The following SPPL3 variants were observed in gnomAD, a reference collection of about 807,000 sequenced individuals.
SPPL3 encodes the protein signal peptide peptidase-like 3.
Under a neutral mutation model 42.4 loss-of-function variants are expected in SPPL3, and 5 were observed. The ratio of observed to expected loss-of-function variants is 0.12; its 90% confidence interval spans 0.06 to 0.25. The LOEUF is 0.25. Among genes scored for constraint, SPPL3 ranks in the 10% least tolerant of loss-of-function variants. SPPL3 has a pLI of 1.00. For synonymous variants in SPPL3, 195 were observed against 181.8 expected, an observed-to-expected ratio of 1.07 and a Z score of -0.58; for missense variants, 235 against 489.0, an observed-to-expected ratio of 0.48 and a Z score of 4.90.
At chr12:120,856,515 T>G (rs1872464165) in intron 1 of SPPL3, among the ~76,000 whole-genome samples, 1 of 147,618 alleles carries the variant, frequency 6.8e-6, no homozygotes, top group Non-Finnish European at 1.5e-5. Flanking sequence ...TTTTTTTTTT[T>G]TTTTTTTTTT....
intron 1 of SPPL3, among the ~76,000 whole-genome samples, chr12:120,839,750 AG>A (rs1362026152): frequency 6.6e-6 from 1 of 152,202 alleles, no homozygotes; most frequent in Non-Finnish European, 1.5e-5. Flanking sequence ...TTTGGAAAAC[AG>A]TTCAGCTCCT....
intron 1 of SPPL3, among the ~76,000 whole-genome samples, chr12:120,867,684 T>A (rs949037876): frequency 6.6e-6 from 1 of 150,496 alleles, no homozygotes; most frequent in African/African-American, 2.5e-5. Context: ...ACATACTTAA[T>A]GGTGCTGAGA....
intron 1 of SPPL3, among the ~76,000 whole-genome samples, chr12:120,901,590 T>TAA (rs754148484): frequency 0.15 from 15,017 of 103,248 alleles, 1,374 homozygotes; most frequent in South Asian, 0.34. Context: ...GACTCCGTCC[T>TAA]AAAAAAAAAA....
At chr12:120,862,904 C>T (rs1872651503) in intron 1 of SPPL3, among the ~76,000 whole-genome samples, 1 of 152,184 alleles carries the variant, frequency 6.6e-6, no homozygotes, top group Non-Finnish European at 1.5e-5. Flanking sequence ...CACTAAGACT[C>T]AGCTCATTAG....
intron 1 of SPPL3, among the ~76,000 whole-genome samples, chr12:120,899,966 T>A (rs375276678): frequency 6.6e-6 from 1 of 151,176 alleles, no homozygotes; most frequent in African/African-American, 2.4e-5. Context: ...AGAATTTGAG[T>A]TGAACCCTTG....
At chr12:120,862,984 G>C (rs902742255) in intron 1 of SPPL3, among the ~76,000 whole-genome samples, 1 of 152,102 alleles carries the variant, frequency 6.6e-6, no homozygotes, top group Non-Finnish European at 1.5e-5. Flanking sequence ...CCTCTATCAC[G>C]AAATTCTAAG....
At chr12:120,807,117 C>T (rs888683267) in intron 2 of SPPL3, among the ~76,000 whole-genome samples, 1 of 152,100 alleles carries the variant, frequency 6.6e-6, no homozygotes, top group African/African-American at 2.4e-5. Context: ...CTAGACATTT[C>T]ACCAAAGAAG....
chr12:120,897,409 T>C (rs560379230), intron 1 of SPPL3, among the ~76,000 whole-genome samples: 2 of 152,308 alleles, frequency 1.3e-5, no homozygotes, highest in East Asian at 1.9e-4. Context: ...ACTTTAACTA[T>C]AGGCAAAATA....
At chr12:120,794,272 ATT>A (rs76687139) in intron 2 of SPPL3, among the ~76,000 whole-genome samples, 1 of 148,636 alleles carries the variant, frequency 6.7e-6, no homozygotes, top group Non-Finnish European at 1.5e-5. Context: ...ACTTTTAACT[ATT>A]TTTTTTTTAA....
intron 2 of SPPL3, among the ~76,000 whole-genome samples, chr12:120,810,507 T>C (rs1454106896): frequency 6.6e-6 from 1 of 152,222 alleles, no homozygotes; most frequent in African/African-American, 2.4e-5. Context: ...TCTAGAATCA[T>C]TGTCAAAGAC....
At chr12:120,845,067 T>G in intron 1 of SPPL3, 1 of 305,758 alleles carries the variant, frequency 3.3e-6, no homozygotes, top group Non-Finnish European at 6.5e-6. Context: ...GCCACGAGAG[T>G]AAAGCAGAGG....
chr12:120,831,318 C>T lies in SPPL3; in HGVS notation c.24-20432G>A, dbSNP rs530459962. On this transcript the variant is annotated intron_variant, in intron 1 of 10. Transcript: ENST00000353487. ...CTATATAAATCTCTTCTTACATACA[C>T]ATCATATATACCCTATTGGTTCTAT... 7.4e-4 allele frequency among the ~76,000 whole-genome samples: 113 copies of T among 152,218 alleles called. 1 individual carries two copies. The highest frequency in any genetic ancestry group is 2.6e-3 in the African/African-American group (106 of 41,526).
At chr12:120,894,702 T>C (rs2137069160) in intron 1 of SPPL3, among the ~76,000 whole-genome samples, 1 of 152,158 alleles carries the variant, frequency 6.6e-6, no homozygotes, top group African/African-American at 2.4e-5. Flanking sequence ...TCCCAGCACT[T>C]TGGGAGGCCG....
intron 2 of SPPL3, among the ~76,000 whole-genome samples, chr12:120,809,955 C>T (rs926641369): frequency 8.6e-5 from 13 of 150,898 alleles, no homozygotes; most frequent in African/African-American, 3.0e-4. Flanking sequence ...TACTTACAAG[C>T]ATTTTAGGAC....
rs200971239 is a variant in SPPL3 at position 120,877,060 on chromosome 12, G to GA, written c.23+26784dup. Among the ~76,000 whole-genome samples the GA allele has an allele frequency of 3.0e-3, 446 of 149,660 alleles. 6 individuals are homozygous for GA. The highest frequency in any genetic ancestry group is 0.01 in the African/African-American group (413 of 40,822). On this transcript the variant is annotated intron_variant, in intron 1 of 10. Coordinates refer to ENST00000353487, the MANE Select transcript of SPPL3 (RefSeq NM_139015.5). The stretch of plus-strand genomic sequence containing the variant: ...AGACGTTACAAACATTTAAAAGGTA[G>GA]AAAAAAAAACCTATAAACTTATACA...
chr12:120,876,072 A>T (rs144677736), intron 1 of SPPL3, among the ~76,000 whole-genome samples: 1 of 149,402 alleles, frequency 6.7e-6, no homozygotes, highest in African/African-American at 2.4e-5. Flanking sequence ...ACAGATACTT[A>T]TACAATATTT....
chr12:120,869,049 A>G (rs1345516272), intron 1 of SPPL3, among the ~76,000 whole-genome samples: 2 of 152,190 alleles, frequency 1.3e-5, no homozygotes, highest in African/African-American at 4.8e-5. Context: ...CCTAACTATA[A>G]TATGGGGAAT....
At chr12:120,766,101 C>T (rs554049762) in intron 10 of SPPL3, among the ~76,000 whole-genome samples, 162 bp downstream of exon 10, 3 of 13,578 alleles carry the variant, frequency 2.2e-4, no homozygotes, top group South Asian at 6.1e-3. Context: ...CGCGCGCGCG[C>T]ACACACACAC....
intron 2 of SPPL3, among the ~76,000 whole-genome samples, chr12:120,793,931 T>C (rs1010555104): frequency 6.6e-6 from 1 of 152,184 alleles, no homozygotes; most frequent in African/African-American, 2.4e-5. Context: ...TGATTAAGAG[T>C]ATTGTTGAAA....
Sources: allele counts gnomAD v4.1 joint callset (sites outside exome capture counted in the v4.1 genomes callset), GRCh38; gene constraint gnomAD v4.1.1; transcripts MANE v1.5; gene names NCBI Gene and HGNC (gene_info 2026-07-23, HGNC 2026-07-21).